The following CDH23 variants were observed in gnomAD, a reference collection of about 807,000 sequenced individuals.
CDH23 encodes the protein cadherin-23.
A neutral mutation model predicts 317.1 loss-of-function variants in CDH23; 189 were observed. The observed-to-expected ratio is 0.60, with a 90% CI of 0.53 to 0.67. The LOEUF is 0.67. Ranked by LOEUF, CDH23 falls within the 30% of genes least tolerant of loss-of-function variation. The pLI, the probability that CDH23 is intolerant of heterozygous loss-of-function variation, is 0.00. For synonymous variants in CDH23, 1,839 were observed against 1,876.8 expected (o/e 0.98, Z 0.52); for missense variants, 4,401 against 4,592.4 (o/e 0.96, Z 1.20).
intron 43 of CDH23, 55 bp from the exon 44 acceptor site, chr10:71,785,576 A>G (rs111723791): frequency 3.7e-5 from 45 of 1,221,080 alleles, no homozygotes; most frequent in Non-Finnish European, 5.9e-6. Context: ...TCTGTGGGCC[A>G]AAGTAGAAAG....
Position 71,791,212 on chromosome 10 carries a change from G to A in CDH23, c.6130G>A (p.Glu2044Lys), listed in dbSNP as rs10466026. 0.29 allele frequency: 465,323 copies of A among 1,612,844 alleles called. 70,502 individuals are homozygous for A. The highest frequency in any genetic ancestry group is 0.57 in the East Asian group (25,567 of 44,824). ...PPILELLLLA[E>K]DIGLLNSTAH... ...CATCCTGGAGCTGCTGCTGCTGGCT[G>A]AGGACATCGGGCTGCTCAACAGCAC... The change falls in exon 47 of 70, where the codon GAG becomes AAG. Residue 2044 changes from glutamate (E) to lysine (K), a missense_variant. This residue lies in a region of CDH23 where 3,068 missense variants were observed against 3,203.3 expected (regional missense o/e 0.96). Coordinates refer to ENST00000224721, the MANE Select transcript of CDH23 (RefSeq NM_022124.6).
chr10:71,400,099 C>G (rs1273796913), intron 1 of CDH23, among the ~76,000 whole-genome samples: 1 of 152,166 alleles, frequency 6.6e-6, no homozygotes, highest in African/African-American at 2.4e-5. Context: ...GACTGGACAT[C>G]CCACTTCTAC....
intron 66 of CDH23, 133 bp from the exon 67 acceptor site, chr10:71,812,347 G>T (rs771484790): frequency 1.2e-5 from 19 of 1,599,458 alleles, no homozygotes; most frequent in Middle Eastern, 3.3e-4. Flanking sequence ...ACAGGCACCA[G>T]GGCCTCACAC....
At chr10:71,792,699 G>A (rs1841283217) in intron 47 of CDH23, among the ~76,000 whole-genome samples, 1 of 151,042 alleles carries the variant, frequency 6.6e-6, no homozygotes, top group South Asian at 2.1e-4. Context: ...GTGGGTGCCT[G>A]TAATCCCAGC....
At chr10:71,813,140 C>G (rs1350765487) in intron 68 of CDH23, 104 bp from the exon 69 acceptor site, 2 of 1,205,038 alleles carry the variant, frequency 1.7e-6, no homozygotes, top group East Asian at 5.1e-5. Flanking sequence ...CCTAGGATCA[C>G]CAGGATCAGA....
chr10:71,773,435 C>T, intron 38 of CDH23: 1 of 1,596,838 alleles, frequency 6.3e-7, no homozygotes. Flanking sequence ...CGTGGGGACG[C>T]CCATGTCGCC....
intron 9 of CDH23, among the ~76,000 whole-genome samples, chr10:71,609,608 C>G (rs560254409): frequency 9.8e-5 from 15 of 152,346 alleles, no homozygotes; most frequent in African/African-American, 3.4e-4. Flanking sequence ...TTCCCTGACT[C>G]TGGGCACCCG....
Position 71,700,965 on chromosome 10 carries a change from C to T in CDH23, c.2398-1057C>T, listed in dbSNP as rs1865560039. On this transcript the variant is annotated intron_variant, in intron 22 of 69. Transcript: ENST00000224721. ...CAAGTAAGATGAAGGAGCTGACAAG[C>T]CTGGCTGTCATCACCGAGTGTCCTG... Among the ~76,000 whole-genome samples, 3 of 152,196 alleles carry T rather than the reference C, an allele frequency of 2.0e-5. No individual in the cohort carries two copies. The South Asian group carries it at 6.2e-4, about 32-fold the overall frequency.
At chr10:71,547,652 G>A (rs1435028311) in intron 6 of CDH23, among the ~76,000 whole-genome samples, 1 of 152,240 alleles carries the variant, frequency 6.6e-6, no homozygotes, top group African/African-American at 2.4e-5. Flanking sequence ...CAGGGGTGGT[G>A]GTGGGTGGGA....
intron 27 of CDH23, among the ~76,000 whole-genome samples, chr10:71,710,400 C>T (rs1865929275): frequency 6.6e-6 from 1 of 152,252 alleles, no homozygotes; most frequent in Admixed American, 6.5e-5. Context: ...CTGGGCCCTC[C>T]TGCTCCTGGG....
At chr10:71,457,374 C>G (rs993677929) in intron 3 of CDH23, among the ~76,000 whole-genome samples, 6 of 152,198 alleles carry the variant, frequency 3.9e-5, no homozygotes, top group African/African-American at 7.2e-5. Flanking sequence ...GTTCCAGGCT[C>G]AGAGAGAGAT....
intron 46 of CDH23, chr10:71,790,849 G>C: frequency 1.9e-6 from 1 of 528,490 alleles, no homozygotes; most frequent in Non-Finnish European, 3.4e-6. Flanking sequence ...CAACAGAGAC[G>C]GTCAACCCTG....
chr10:71,643,831 A>G, intron 11 of CDH23, 30 bp from the exon 12 acceptor site: 1 of 765,164 alleles, frequency 1.3e-6, no homozygotes, highest in Middle Eastern at 2.3e-4. Context: ...CTGTCTCCAT[A>G]TCCTTTGACT....
chr10:71,482,996 T>C (rs1396324324), intron 3 of CDH23, among the ~76,000 whole-genome samples: 1 of 152,188 alleles, frequency 6.6e-6, no homozygotes, highest in African/African-American at 2.4e-5. Context: ...ACAAAGGACA[T>C]TGAGAGGTGC....
intron 25 of CDH23, among the ~76,000 whole-genome samples, chr10:71,705,553 G>T (rs1865755001): frequency 6.6e-6 from 1 of 152,174 alleles, no homozygotes; most frequent in African/African-American, 2.4e-5. Context: ...TCCCATGGGT[G>T]TGGAACCCCT....
In CDH23 at chr10:71,702,622, C is replaced by A. The variant is rs1865633943; in HGVS notation, c.2661C>A (p.Asp887Glu). 1 of 1,613,962 alleles carries A rather than the reference C, an allele frequency of 6.2e-7. No individual in the cohort carries two copies. The highest frequency in any genetic ancestry group is 1.1e-5 in the South Asian group (1 of 91,084). ...FVNLLDLNDN[D>E]PTFQNLPFVA... ...ACCTCTTGGATCTCAATGACAATGA[C>A]CCCACCTTTCAGAACCTGCCTTTTG... The change falls in exon 24 of 70, where the codon GAC becomes GAA. Residue 887 changes from aspartate to glutamate, a missense_variant. Physicochemically the swap from Asp to Glu is conservative, Grantham distance 45. Transcript: ENST00000224721.
At chr10:71,810,190 T>A in intron 61 of CDH23, 114 bp downstream of exon 61, 1 of 1,275,236 alleles carries the variant, frequency 7.8e-7, no homozygotes, top group Non-Finnish European at 1.1e-6. Flanking sequence ...GGCAGTATAG[T>A]CCCTACTTAG....
chr10:71,679,225 G>C (rs1864505061), intron 16 of CDH23, among the ~76,000 whole-genome samples, 162 bp from the exon 17 acceptor site: 1 of 152,148 alleles, frequency 6.6e-6, no homozygotes, highest in African/African-American at 2.4e-5. Context: ...AAGCACAAGG[G>C]GTGCCTCCTG....
intron 44 of CDH23, among the ~76,000 whole-genome samples, 172 bp downstream of exon 44, chr10:71,785,910 CTAG>C (rs1246125779): frequency 6.6e-6 from 1 of 152,184 alleles, no homozygotes; most frequent in Non-Finnish European, 1.5e-5. Flanking sequence ...GTGGCTTTGG[CTAG>C]TTAACTCCTC....
Sources: gnomAD v4.1 joint callset for allele counts (sites outside exome capture counted in the v4.1 genomes callset) on GRCh38, gnomAD v4.1.1 for gene constraint, gnomAD v4.1.1 regional missense constraint, MANE v1.5 for transcripts, NCBI Gene and HGNC (gene_info 2026-07-23, HGNC 2026-07-21) for gene names.